ACOT7: variants seen among roughly 807,000 people sequenced by gnomAD.
ACOT7 encodes acyl-CoA thioesterase 7, also known as cytosolic acyl coenzyme A thioester hydrolase.
Under a neutral mutation model 40.2 loss-of-function variants are expected in ACOT7, and 12 were observed. The ratio of observed to expected loss-of-function variants is 0.30; its 90% CI spans 0.19 to 0.48. The LOEUF is 0.48. ACOT7 is among the 20% of genes least tolerant of loss of function. The probability of loss-of-function intolerance (pLI) is 0.99; values close to 1 mark genes in which losing one functional copy is unlikely to be tolerated. For synonymous variants in ACOT7, 228 were observed against 219.5 expected, an observed-to-expected ratio of 1.04 and a Z score of -0.34; for missense variants, 395 against 530.8, an observed-to-expected ratio of 0.74 and a Z score of 2.51.
At chr1:6,336,358 A>AAAAAAAAAAC (rs1641102801) in intron 3 of ACOT7, among the ~76,000 whole-genome samples, 13 of 150,426 alleles carry the variant, frequency 8.6e-5, no homozygotes, top group Non-Finnish European at 8.9e-5. Context: ...AAAAAAAAAA[A>AAAAAAAAAAC]TCTCTTAAAA....
At chr1:6,267,356 C>T (rs910630563) in intron 8 of ACOT7, among the ~76,000 whole-genome samples, 1 of 152,220 alleles carries the variant, frequency 6.6e-6, no homozygotes, top group Non-Finnish European at 1.5e-5. Context: ...CCAACGCCAC[C>T]AGCTTAGGAG....
At position 6,288,297 on chromosome 1, in the gene ACOT7, A is replaced by G. The variant is rs1357863917; in HGVS notation, c.829+6567T>C. On this transcript the variant is annotated intron_variant, in intron 7 of 8. Transcript: ENST00000361521. The surrounding 1 kb of genome is among the most constrained non-coding windows in gnomAD (Gnocchi z 4.3). ...CTCCACGCGCCTTTGGTGGGTGGGCACTTCCCATTTCCCATGAGATCCAGT... is the reference window on the plus strand; with the variant it reads ...CTCCACGCGCCTTTGGTGGGTGGGCGCTTCCCATTTCCCATGAGATCCAGT... Among the ~76,000 whole-genome samples the G allele has an allele frequency of 6.6e-6, 1 of 152,170 alleles. No homozygotes were observed. The highest frequency in any genetic ancestry group is 2.1e-4 in the South Asian group (1 of 4,832).
At chr1:6,365,095 G>A (rs886072282) in intron 1 of ACOT7, among the ~76,000 whole-genome samples, 6 of 152,160 alleles carry the variant, frequency 3.9e-5, no homozygotes, top group Non-Finnish European at 4.4e-5. Flanking sequence ...TAATCGTGCT[G>A]AGCAAGGGAG....
chr1:6,383,903 C>T (rs1263864291), intron 1 of ACOT7, among the ~76,000 whole-genome samples: 1 of 151,144 alleles, frequency 6.6e-6, no homozygotes, highest in East Asian at 1.9e-4. Context: ...ATGGGGTTTC[C>T]CTGTGTTAGC....
Position 6,306,883 on chromosome 1 carries a change from C to T in ACOT7, c.712+11609G>A. 1 of 1,289,126 alleles carries T rather than the reference C, an allele frequency of 7.8e-7. No homozygotes were observed. Among genetic ancestry groups the T allele is most frequent in the Non-Finnish European group, 1.0e-6 (1 of 988,690 alleles). 79.9% of individuals were successfully genotyped at this position (1,289,126 alleles called of 1,614,324 possible). On this transcript the variant is annotated intron_variant, in intron 6 of 8. Transcript: ENST00000361521. This position sits in a 1 kb window ranked among gnomAD's most constrained non-coding sequence, Gnocchi z 4.3. The stretch of plus-strand genomic sequence containing the variant: ...ATTTTTCAGTGAAAGTCAACTCCTC[C>T]TGCAGGTGCAAAAGATTGTTTTTTC...
At chr1:6,371,002 G>T (rs1329548971) in intron 1 of ACOT7, among the ~76,000 whole-genome samples, 8 of 151,748 alleles carry the variant, frequency 5.3e-5, no homozygotes. Flanking sequence ...GTAGAGACAG[G>T]GTTTCGCCAT....
At chr1:6,322,075 C>T (rs889089733) in intron 5 of ACOT7, among the ~76,000 whole-genome samples, 37 of 152,214 alleles carry the variant, frequency 2.4e-4, no homozygotes, top group African/African-American at 8.9e-4. Flanking sequence ...TGGGCCAAGC[C>T]ACAGGTCGTG....
In ACOT7 at chr1:6,299,585, A is replaced by G. The variant is rs948001612; in HGVS notation, c.713-4605T>C. Among the ~76,000 whole-genome samples, 11 of 152,092 alleles carry G rather than the reference A, an allele frequency of 7.2e-5. No individual in the cohort carries two copies. The highest frequency in any genetic ancestry group is 1.5e-4 in the Non-Finnish European group (10 of 68,018). ...CCTCCCCTTACCGGACGCCACACAC[A>G]GAGGGCAGAGAGGCCCACCCGGCCA... On this transcript the variant is annotated intron_variant, in intron 6 of 8. Coordinates refer to ENST00000361521, the MANE Select transcript of ACOT7 (RefSeq NM_007274.4). The surrounding 1 kb of genome is among the most constrained non-coding windows in gnomAD (Gnocchi z 4.1).
intron 1 of ACOT7, chr1:6,385,845 T>G (rs745571734): frequency 3.8e-5 from 54 of 1,409,806 alleles, no homozygotes; most frequent in Non-Finnish European, 4.6e-5. Context: ...GCAAGCCGCC[T>G]CCTCGGCTTC....
chr1:6,323,315 A>C (rs767140220), intron 5 of ACOT7, among the ~76,000 whole-genome samples: 2 of 152,160 alleles, frequency 1.3e-5, no homozygotes, highest in Non-Finnish European at 2.9e-5. Flanking sequence ...TTCGTGGCCC[A>C]GTGGGCTGGC....
intron 1 of ACOT7, among the ~76,000 whole-genome samples, chr1:6,373,256 C>CTT (rs1006120291): frequency 6.8e-6 from 1 of 146,744 alleles, no homozygotes; most frequent in African/African-American, 2.5e-5. Context: ...TTGCCACAAA[C>CTT]TTTTTTTTTT....
intron 2 of ACOT7, among the ~76,000 whole-genome samples, chr1:6,341,249 C>G (rs1036013812): frequency 1.3e-5 from 2 of 151,546 alleles, no homozygotes; most frequent in Non-Finnish European, 2.9e-5. Flanking sequence ...TCAGGCAATT[C>G]TCCTGCCTCA....
intron 7 of ACOT7, among the ~76,000 whole-genome samples, chr1:6,291,254 C>A (rs1639654977): frequency 6.6e-6 from 1 of 152,108 alleles, no homozygotes; most frequent in Admixed American, 6.5e-5. Flanking sequence ...CCGGATTCTC[C>A]AGGTGTGTCC....
intron 1 of ACOT7, among the ~76,000 whole-genome samples, chr1:6,380,976 A>G (rs1161857226): frequency 1.3e-5 from 2 of 151,918 alleles, no homozygotes; most frequent in Non-Finnish European, 2.9e-5. Context: ...TGCAAATCAT[A>G]TATCTGATGA....
chr1:6,347,363 A>G (rs1463640737), intron 2 of ACOT7, among the ~76,000 whole-genome samples: 2 of 152,304 alleles, frequency 1.3e-5, no homozygotes, highest in Admixed American at 1.3e-4. Flanking sequence ...CACAGGTTCG[A>G]GGTATAGTCA....
At chr1:6,344,078 TA>T (rs1335481826) in intron 2 of ACOT7, among the ~76,000 whole-genome samples, 1 of 150,968 alleles carries the variant, frequency 6.6e-6, no homozygotes, top group East Asian at 1.9e-4. Context: ...CAGGAGGAGG[TA>T]GGGGGAGCGT....
chr1:6,310,150 A>G (rs1040038947), intron 6 of ACOT7, among the ~76,000 whole-genome samples: 1 of 152,226 alleles, frequency 6.6e-6, no homozygotes, highest in African/African-American at 2.4e-5. Flanking sequence ...GGGAGTAACA[A>G]CTGAGCTGGA....
At chr1:6,386,698 A>G (rs752515152) in intron 1 of ACOT7, among the ~76,000 whole-genome samples, 3 of 152,092 alleles carry the variant, frequency 2.0e-5, no homozygotes, top group Non-Finnish European at 4.4e-5. Flanking sequence ...TCTACAAAAA[A>G]TCTTTTTAAC....
intron 8 of ACOT7, among the ~76,000 whole-genome samples, chr1:6,268,032 C>A (rs565519869): frequency 1.2e-3 from 185 of 152,292 alleles, no homozygotes; most frequent in Non-Finnish European, 2.2e-3. Context: ...CACGAGATGT[C>A]CAGGAGAGAC....
Sources: allele counts gnomAD v4.1 joint callset (sites outside exome capture counted in the v4.1 genomes callset), GRCh38; gene constraint gnomAD v4.1.1; non-coding constraint Gnocchi (gnomAD v3.1); transcripts MANE v1.5; gene names NCBI Gene and HGNC (gene_info 2026-07-23, HGNC 2026-07-21).